Variants in STAU1 observed in about 807,000 individuals in gnomAD.
STAU1 encodes staufen double-stranded RNA binding protein 1, also known as double-stranded RNA-binding protein Staufen homolog 1.
STAU1 carries 13 observed loss-of-function variants against 62.9 expected under a neutral mutation model. The observed-to-expected ratio is 0.21, with a 90% CI of 0.13 to 0.33. The LOEUF (loss-of-function observed/expected upper bound fraction) is 0.33, where lower values mean the gene tolerates loss of function less well. Among genes scored for constraint, STAU1 ranks in the 10% least tolerant of loss-of-function variants. The pLI, the probability that STAU1 is intolerant of heterozygous loss-of-function variation, is 1.00. For missense variants in STAU1, 571 were observed against 712.1 expected, an observed-to-expected ratio of 0.80 and a Z score of 2.25; for synonymous variants, 269 against 265.1, an observed-to-expected ratio of 1.01 and a Z score of -0.14.
chr20:49,196,028 C>G, the STAU1 span, among the ~76,000 whole-genome samples: 20 of 144,020 alleles, frequency 1.4e-4, no homozygotes, highest in Non-Finnish European at 2.4e-4. Context: ...CACTTGAGGT[C>G]AGGAGAATAG....
chr20:49,165,982 G>A lies in STAU1; in HGVS notation c.205+15C>T. 1.2e-6 allele frequency: 2 copies of A among 1,612,788 alleles called. No homozygotes were observed. Among genetic ancestry groups the A allele is most frequent in the South Asian group, 1.1e-5 (1 of 91,028 alleles). On this transcript the variant is annotated intron_variant, in intron 3 of 13. Coordinates refer to ENST00000371856, the MANE Select transcript of STAU1 (RefSeq NM_017453.4). ...AAACATTTGAAATAGAAGACACTTGGATTCATATGCTTACCTGCAGCTGCA... is the reference window on the plus strand; with the variant it reads ...AAACATTTGAAATAGAAGACACTTGAATTCATATGCTTACCTGCAGCTGCA...
chr20:49,158,497 A>G (rs987793048), intron 3 of STAU1: 3 of 1,304,480 alleles, frequency 2.3e-6, no homozygotes, highest in Admixed American at 4.6e-5. Context: ...CACGGCTTCC[A>G]CTAAAGGAAA....
the STAU1 span, among the ~76,000 whole-genome samples, chr20:49,201,741 C>CAA: frequency 1.7e-4 from 13 of 75,230 alleles, no homozygotes; most frequent in East Asian, 7.9e-4. Flanking sequence ...GACTCTGTCT[C>CAA]AAAAAAAAAA....
the STAU1 span, among the ~76,000 whole-genome samples, chr20:49,217,676 A>AT: frequency 1.5e-5 from 2 of 135,944 alleles, no homozygotes; most frequent in East Asian, 2.2e-4. Context: ...TTCCTTTTAA[A>AT]ATATATATAT....
At chr20:49,188,371 G>A (rs2093819525), upstream of STAU1, 1 of 152,074 alleles carries the variant, frequency 6.6e-6, no homozygotes, top group African/African-American at 2.4e-5. Flanking sequence ...AGGAAGTGAC[G>A]GGGGAGGGGC....
intron 1 of STAU1, among the ~76,000 whole-genome samples, chr20:49,186,090 G>A (rs566074760): frequency 6.6e-6 from 1 of 152,100 alleles, no homozygotes; most frequent in Admixed American, 6.5e-5. Context: ...GTGAGCCACC[G>A]CGCCTAACCT....
Position 49,166,196 on chromosome 20 carries a change from A to G in STAU1, c.6T>C (p.Ser2=). ...GGTTCTGAACTTGCACTTGAACTTG[A>G]GACATGGTCACTTTCAACAAAAGTG... is the stretch of plus-strand genomic sequence containing the variant. The part of the protein sequence containing the change: M[S]QVQVQVQNPS... Residue 2 remains serine, a synonymous_variant, in exon 3 of 14, where the codon TCT becomes TCC. Coordinates refer to ENST00000371856, the MANE Select transcript of STAU1 (RefSeq NM_017453.4). 6.2e-7 allele frequency: 1 copy of G among 1,614,186 alleles called. No homozygotes were observed. Among genetic ancestry groups the G allele is most frequent in the Non-Finnish European group, 8.5e-7 (1 of 1,180,026 alleles).
rs780726531 is a variant in STAU1, at chr20:49,113,827, T to C, written c.*1051A>G. On this transcript the variant is annotated 3_prime_UTR_variant, in exon 14 of 14. Coordinates refer to ENST00000371856, the MANE Select transcript of STAU1 (RefSeq NM_017453.4). ...GTTTATATGGACTACATGGAGATCA[T>C]ATCCTGTAGTGTAGTGAAAGCTAAG... 1.3e-4 allele frequency: 20 copies of C among 152,664 alleles called. No individual in the cohort carries two copies. Among genetic ancestry groups the C allele is most frequent in the Non-Finnish European group, 2.6e-4 (18 of 68,040 alleles). 9.5% of individuals were successfully genotyped at this position (152,664 alleles called of 1,614,324 possible). A position where few individuals can be genotyped will look rare whatever the true frequency, so the allele number is the denominator to read the frequency against.
chr20:49,213,713 T>C, the STAU1 span, among the ~76,000 whole-genome samples: 47,464 of 152,090 alleles, frequency 0.31, 8,230 homozygotes, highest in African/African-American at 0.45. Context: ...GCCTCACCAA[T>C]GCCACCCTAT....
chr20:49,143,483 C>T (rs111541656), intron 5 of STAU1, among the ~76,000 whole-genome samples: 1,742 of 152,152 alleles, frequency 0.011, 39 homozygotes, highest in African/African-American at 0.039. Flanking sequence ...GTCCCAGCTA[C>T]GAGGGAGACT....
At chr20:49,210,457 C>T in the STAU1 span, 1 of 455,910 alleles carries the variant, frequency 2.2e-6, no homozygotes, top group South Asian at 1.5e-5. Flanking sequence ...TTTTCTTCCT[C>T]CTCTTCTCTC....
At chr20:49,127,694 A>T (rs2092661058) in intron 6 of STAU1, among the ~76,000 whole-genome samples, 1 of 151,472 alleles carries the variant, frequency 6.6e-6, no homozygotes, top group Non-Finnish European at 1.5e-5. Flanking sequence ...TGACAGAGCA[A>T]GACTTTGTCT....
intron 5 of STAU1, among the ~76,000 whole-genome samples, chr20:49,140,725 G>A (rs749278042): frequency 1.3e-5 from 2 of 152,166 alleles, no homozygotes. Context: ...AGTAGTGACA[G>A]TTGTGCAAAA....
At chr20:49,152,972 C>T (rs1222627243) in intron 4 of STAU1, among the ~76,000 whole-genome samples, 1 of 152,032 alleles carries the variant, frequency 6.6e-6, no homozygotes, top group Non-Finnish European at 1.5e-5. Context: ...ACAAAGGAGC[C>T]GGGCGTGGTG....
intron 3 of STAU1, among the ~76,000 whole-genome samples, chr20:49,162,877 T>C (rs1328752361): frequency 6.6e-6 from 1 of 151,566 alleles, no homozygotes; most frequent in Non-Finnish European, 1.5e-5. Context: ...GACTTTGTTA[T>C]AAGGTAACTC....
intron 6 of STAU1, among the ~76,000 whole-genome samples, chr20:49,128,334 A>C (rs933895335): frequency 6.6e-6 from 1 of 152,098 alleles, no homozygotes; most frequent in African/African-American, 2.4e-5. Flanking sequence ...CTAAAATCAA[A>C]TAAAATAAAC....
At chr20:49,139,536 C>T (rs2092961763) in intron 5 of STAU1, among the ~76,000 whole-genome samples, 1 of 151,876 alleles carries the variant, frequency 6.6e-6, no homozygotes, top group Non-Finnish European at 1.5e-5. Flanking sequence ...ACCAGCCTGG[C>T]CAACATGGTG....
chr20:49,136,324 C>T lies in STAU1; in HGVS notation c.511-393G>A, dbSNP rs1568854976. Among the ~76,000 whole-genome samples, 4 of 152,158 alleles carry T rather than the reference C, an allele frequency of 2.6e-5. 1 individual carries two copies. The highest frequency in any genetic ancestry group is 1.5e-5 in the Non-Finnish European group (1 of 68,026). On this transcript the variant is annotated intron_variant, in intron 5 of 13. Transcript: ENST00000371856. The stretch of plus-strand genomic sequence containing the variant: ...TCCCCCACAAAAAAACACCCATCAA[C>T]ATCCTAGCTGCAATGGTAAACCTTA...
intron 3 of STAU1, among the ~76,000 whole-genome samples, chr20:49,160,437 A>C (rs2093430576): frequency 6.6e-6 from 1 of 152,242 alleles, no homozygotes; most frequent in African/African-American, 2.4e-5. Flanking sequence ...TCAATTCCTT[A>C]TCTCTCATAC....
Sources: gnomAD v4.1 joint callset for allele counts (sites outside exome capture counted in the v4.1 genomes callset) on GRCh38, gnomAD v4.1.1 for gene constraint, MANE v1.5 for transcripts, NCBI Gene and HGNC (gene_info 2026-07-23, HGNC 2026-07-21) for gene names.